Variants in PRKCZ observed in about 807,000 individuals in gnomAD.
The protein encoded by PRKCZ is protein kinase C zeta type.
A neutral mutation model predicts 79.5 loss-of-function variants in PRKCZ; 33 were observed. The ratio of observed to expected loss-of-function variants is 0.41; its 90% CI spans 0.31 to 0.55. The LOEUF is 0.55. PRKCZ is among the 20% of genes least tolerant of loss of function. The pLI is 0.19. For missense variants in PRKCZ, 578 were observed against 813.5 expected, an observed-to-expected ratio of 0.71 and a Z score of 3.52; for synonymous variants, 342 against 320.9, an observed-to-expected ratio of 1.07 and a Z score of -0.70.
At chr1:2,095,109 G>A (rs1413336392) in intron 4 of PRKCZ, among the ~76,000 whole-genome samples, 1 of 152,186 alleles carries the variant, frequency 6.6e-6, no homozygotes, top group African/African-American at 2.4e-5. Context: ...TCCCCTGGGA[G>A]TCCAAGCAAC....
At chr1:2,163,440 A>G (rs1340097261) in intron 10 of PRKCZ, among the ~76,000 whole-genome samples, 4 of 152,224 alleles carry the variant, frequency 2.6e-5, no homozygotes, top group African/African-American at 4.8e-5. Flanking sequence ...GGCCCTGGCA[A>G]TGATACATAC....
intron 4 of PRKCZ, among the ~76,000 whole-genome samples, chr1:2,085,387 T>C (rs989320111): frequency 3.3e-5 from 5 of 152,388 alleles, no homozygotes; most frequent in African/African-American, 7.2e-5. Flanking sequence ...GTTGACCATC[T>C]TACTGCTCAC....
intron 4 of PRKCZ, among the ~76,000 whole-genome samples, chr1:2,110,047 G>A (rs1669415463): frequency 6.6e-6 from 1 of 151,930 alleles, no homozygotes; most frequent in Middle Eastern, 3.4e-3. Flanking sequence ...GGGCAGCCAA[G>A]GACCTAAAAC....
At chr1:2,052,402 A>ACTCTCTCCC (rs1332437060) in intron 1 of PRKCZ, among the ~76,000 whole-genome samples, 23 of 111,882 alleles carry the variant, frequency 2.1e-4, no homozygotes, top group African/African-American at 7.3e-4. Flanking sequence ...CCCTTCCCGG[A>ACTCTCTCCC]CTCTCTCCCC....
intron 4 of PRKCZ, among the ~76,000 whole-genome samples, chr1:2,087,916 G>C (rs368854584): frequency 6.9e-4 from 105 of 152,346 alleles, no homozygotes; most frequent in African/African-American, 2.4e-3. Context: ...CTGCACCCGG[G>C]GAGGCCTGGC....
chr1:2,181,874 G>T (rs1475904973), intron 16 of PRKCZ: 1 of 456,388 alleles, frequency 2.2e-6, no homozygotes, highest in Non-Finnish European at 4.4e-6. Flanking sequence ...AATGAAGGGG[G>T]CATCTTGTGT....
At chr1:2,169,263 A>C (rs1219197703) in intron 10 of PRKCZ, 1 of 531,028 alleles carries the variant, frequency 1.9e-6, no homozygotes, top group Admixed American at 2.2e-5. Context: ...TCCCAAGTCC[A>C]CACACAGTGG....
intron 7 of PRKCZ, among the ~76,000 whole-genome samples, chr1:2,147,107 G>C (rs1366294723): frequency 6.6e-6 from 1 of 151,776 alleles, no homozygotes; most frequent in African/African-American, 2.4e-5. Context: ...TGTATCTATT[G>C]TCCACTGACC....
chr1:2,056,295 C>T (rs574763252), intron 2 of PRKCZ, among the ~76,000 whole-genome samples, 189 bp from the exon 3 acceptor site: 61 of 152,324 alleles, frequency 4.0e-4, no homozygotes, highest in African/African-American at 1.3e-3. Flanking sequence ...GACGCTGCAC[C>T]GGGGGCCAGG....
chr1:2,053,247 C>CCTG (rs1200261582), intron 1 of PRKCZ, among the ~76,000 whole-genome samples: 1 of 152,228 alleles, frequency 6.6e-6, no homozygotes, highest in East Asian at 1.9e-4. Flanking sequence ...ACTACAGACG[C>CCTG]CCGCCACCAC....
At chr1:2,083,035 G>C (rs1184569287) in intron 4 of PRKCZ, among the ~76,000 whole-genome samples, 2 of 152,244 alleles carry the variant, frequency 1.3e-5, no homozygotes, top group East Asian at 3.9e-4. Flanking sequence ...GTCTGAACAG[G>C]AAGTTACATT....
Position 2,051,763 on chromosome 1 carries a change from A to G in PRKCZ, c.71+1062A>G, listed in dbSNP as rs540987946. On this transcript the variant is annotated intron_variant, in intron 1 of 17. Transcript: ENST00000378567. ...GTGCCCTGCGAGTCTGAGCGGGTTC[A>G]GCTTCCTGCGAACCTTGTCTTGGGG... 2.9e-3 allele frequency among the ~76,000 whole-genome samples: 439 copies of G among 152,022 alleles called. 1 individual carries two copies. Among genetic ancestry groups the G allele is most frequent in the Non-Finnish European group, 4.9e-3 (335 of 67,978 alleles).
At chr1:2,150,084 C>T (rs1418934218) in intron 8 of PRKCZ, among the ~76,000 whole-genome samples, 4 of 150,458 alleles carry the variant, frequency 2.7e-5, no homozygotes, top group Admixed American at 2.7e-4. Flanking sequence ...ATGGCGTGAA[C>T]CCGGGAGGTG....
chr1:2,093,276 C>G (rs1364190539), intron 4 of PRKCZ, among the ~76,000 whole-genome samples: 1 of 152,134 alleles, frequency 6.6e-6, no homozygotes, highest in African/African-American at 2.4e-5. Context: ...GCTGGCCTCG[C>G]TGCTTCCTGC....
chr1:2,134,818 G>T (rs556979066), intron 4 of PRKCZ: 3 of 154,420 alleles, frequency 1.9e-5, no homozygotes, highest in Non-Finnish European at 4.3e-5. Context: ...TGACAGTCAT[G>T]TGTAAATATT....
At chr1:2,055,856 C>T in intron 2 of PRKCZ, 1 of 332,752 alleles carries the variant, frequency 3.0e-6, no homozygotes, top group Non-Finnish European at 5.5e-6. Flanking sequence ...GACCTCCTTT[C>T]TCATGTCCTG....
chr1:2,097,936 G>A (rs1187809257), intron 4 of PRKCZ, among the ~76,000 whole-genome samples: 1 of 152,230 alleles, frequency 6.6e-6, no homozygotes, highest in African/African-American at 2.4e-5. Flanking sequence ...TGGTTCCCCT[G>A]TTGGCTAGGG....
intron 4 of PRKCZ, among the ~76,000 whole-genome samples, chr1:2,124,496 C>T (rs187653245): frequency 6.6e-6 from 1 of 151,920 alleles, no homozygotes; most frequent in Non-Finnish European, 1.5e-5. Flanking sequence ...GGTTGTGCTG[C>T]GCCTGTGCTC....
At chr1:2,151,155 G>A (rs1354205141) in intron 9 of PRKCZ, among the ~76,000 whole-genome samples, 177 bp downstream of exon 9, 2 of 152,248 alleles carry the variant, frequency 1.3e-5, no homozygotes, top group African/African-American at 4.8e-5. Context: ...GAAAGTGCCT[G>A]GTTAGGTAAT....
Sources: gnomAD v4.1 joint callset for allele counts (sites outside exome capture counted in the v4.1 genomes callset) on GRCh38, gnomAD v4.1.1 for gene constraint, MANE v1.5 for transcripts, NCBI Gene and HGNC (gene_info 2026-07-23, HGNC 2026-07-21) for gene names.